The following NFASC variants were observed in gnomAD, a reference collection of about 807,000 sequenced individuals.
NFASC encodes neurofascin homolog.
NFASC carries 43 observed loss-of-function variants against 147.5 expected under a neutral mutation model. The ratio of observed to expected loss-of-function variants is 0.29; its 90% CI spans 0.23 to 0.38. The LOEUF (loss-of-function observed/expected upper bound fraction) is 0.38. NFASC is among the 10% of genes least tolerant of loss of function. The pLI, the probability that NFASC is intolerant of heterozygous loss-of-function variation, is 1.00. For missense variants in NFASC, 1,320 were observed against 1,689.0 expected, an observed-to-expected ratio of 0.78 and a Z score of 3.83; for synonymous variants, 622 against 665.5, an observed-to-expected ratio of 0.93 and a Z score of 1.01.
intron 1 of NFASC, among the ~76,000 whole-genome samples, chr1:204,907,138 AGTTT>A (rs2086181962): frequency 6.6e-6 from 1 of 152,084 alleles, no homozygotes; most frequent in East Asian, 1.9e-4. Context: ...GATTATGAGA[AGTTT>A]GTTTGTTTGT....
At chr1:204,957,125 G>T (rs890498318) in intron 7 of NFASC, among the ~76,000 whole-genome samples, 2 of 152,328 alleles carry the variant, frequency 1.3e-5, no homozygotes, top group African/African-American at 2.4e-5. Flanking sequence ...TATAATTGAT[G>T]ATTACATTTT....
In NFASC at chr1:204,987,315, T is replaced by A; in HGVS notation, c.2471-103T>A. ...TTAGCAGTGTCGAGCATGGGGGTTG[T>A]CCAGAGGTCAATGCCTTCATACTTG... On this transcript the variant is annotated intron_variant, in intron 21 of 29. Coordinates refer to ENST00000339876, the MANE Select transcript of NFASC (RefSeq NM_001005388.3). This position sits in a 1 kb window ranked among gnomAD's most constrained non-coding sequence, Gnocchi z 4.4. The A allele has an allele frequency of 8.7e-7, 1 of 1,144,898 alleles. No homozygotes were observed. The highest frequency in any genetic ancestry group is 2.6e-5 in the East Asian group (1 of 39,036). 70.9% of individuals were successfully genotyped at this position (1,144,898 alleles called of 1,614,324 possible).
At chr1:204,868,342 G>A (rs1484642994) in intron 1 of NFASC, among the ~76,000 whole-genome samples, 4 of 152,208 alleles carry the variant, frequency 2.6e-5, no homozygotes, top group African/African-American at 9.7e-5. Context: ...GCTGTGGCTG[G>A]CAGGGGAGTA....
chr1:204,980,272 G>T, intron 19 of NFASC, 98 bp from the exon 20 acceptor site: 1 of 862,760 alleles, frequency 1.2e-6, no homozygotes, highest in Non-Finnish European at 2.0e-6. Context: ...GAAAGACAGA[G>T]CATAGAACAG....
chr1:204,843,570 C>T (rs12407417), intron 1 of NFASC, among the ~76,000 whole-genome samples: 30,751 of 149,148 alleles, frequency 0.21, 4,845 homozygotes, highest in East Asian at 0.53. Context: ...TCTCCCTTCT[C>T]TCCTTCCTTC....
intron 1 of NFASC, among the ~76,000 whole-genome samples, chr1:204,877,528 T>G (rs979182984): frequency 1.3e-4 from 20 of 152,164 alleles, no homozygotes; most frequent in Non-Finnish European, 2.5e-4. Context: ...TAGTAGTTAC[T>G]GAGGTGGGAG....
At chr1:204,879,562 G>A (rs2079715794) in intron 1 of NFASC, among the ~76,000 whole-genome samples, 1 of 152,192 alleles carries the variant, frequency 6.6e-6, no homozygotes, top group Non-Finnish European at 1.5e-5. Context: ...GCAGAAATGT[G>A]GTTATGTAAA....
intron 1 of NFASC, among the ~76,000 whole-genome samples, chr1:204,873,061 T>C (rs2078026906): frequency 6.6e-6 from 1 of 151,830 alleles, no homozygotes; most frequent in Admixed American, 6.6e-5. Context: ...GACAATAAAG[T>C]GGGTTATTTT....
intron 1 of NFASC, among the ~76,000 whole-genome samples, chr1:204,838,779 G>A (rs1308520617): frequency 1.3e-5 from 2 of 152,192 alleles, no homozygotes; most frequent in Admixed American, 6.5e-5. Flanking sequence ...CGTTTATCTG[G>A]TATAGTGAAC....
At chr1:204,917,453 C>A (rs1049065341) in intron 1 of NFASC, among the ~76,000 whole-genome samples, 6 of 152,100 alleles carry the variant, frequency 3.9e-5, no homozygotes, top group African/African-American at 1.4e-4. Context: ...CAATATAAGG[C>A]CAATCTTGTT....
chr1:204,958,774 G>A (rs531746224), intron 8 of NFASC, among the ~76,000 whole-genome samples: 1 of 152,324 alleles, frequency 6.6e-6, no homozygotes, highest in Admixed American at 6.5e-5. Flanking sequence ...CTGGCAGTTT[G>A]CAAAGGTCAG....
chr1:204,870,766 G>T, intron 1 of NFASC: 3 of 1,162,682 alleles, frequency 2.6e-6, no homozygotes, highest in South Asian at 3.5e-5. Flanking sequence ...CAGAGGACGT[G>T]GTGGGCTTGA....
chr1:204,946,108 A>G (rs1484670162), intron 3 of NFASC, among the ~76,000 whole-genome samples: 1 of 152,056 alleles, frequency 6.6e-6, no homozygotes, highest in African/African-American at 2.4e-5. Context: ...GAGTGCCCTG[A>G]TCTCCCCACC....
intron 1 of NFASC, among the ~76,000 whole-genome samples, chr1:204,847,409 C>T (rs1014431949): frequency 1.3e-5 from 2 of 152,182 alleles, no homozygotes; most frequent in African/African-American, 4.8e-5. Context: ...CCAGGGTTCT[C>T]TAGCCCTGAT....
intron 2 of NFASC, among the ~76,000 whole-genome samples, chr1:204,929,253 C>T (rs1041547433): frequency 6.6e-6 from 1 of 152,194 alleles, no homozygotes; most frequent in Non-Finnish European, 1.5e-5. Context: ...CAGCCCCTCA[C>T]TCCTCCCAGA....
chr1:205,002,831 T>G, intron 27 of NFASC, 83 bp downstream of exon 27: 1 of 1,142,652 alleles, frequency 8.8e-7, no homozygotes, highest in Non-Finnish European at 1.2e-6. Flanking sequence ...GCCTCTCTCC[T>G]CGGAAAGAAG....
In NFASC at chr1:204,999,824, A is replaced by T. The variant is rs1013792761; in HGVS notation, c.3020-1346A>T. 2.6e-5 allele frequency: 4 copies of T among 152,242 alleles called. 1 individual carries two copies. The highest frequency in any genetic ancestry group is 9.6e-5 in the African/African-American group (4 of 41,460). 9.4% of individuals were successfully genotyped at this position (152,242 alleles called of 1,614,324 possible). On this transcript the variant is annotated intron_variant, in intron 25 of 29. Transcript: ENST00000339876. ...TAGATAATGAATAAATGCATCGCCAATGCACTCTATTCATTTATTTTTGAC... is the reference window on the plus strand; with the variant it reads ...TAGATAATGAATAAATGCATCGCCATTGCACTCTATTCATTTATTTTTGAC...
At chr1:204,903,433 AG>A (rs2085095360) in intron 1 of NFASC, among the ~76,000 whole-genome samples, 1 of 152,242 alleles carries the variant, frequency 6.6e-6, no homozygotes, top group Admixed American at 6.5e-5. Flanking sequence ...GAGGTCCAGT[AG>A]GGAAACAAAG....
At chr1:204,964,612 T>C (rs2094849014) in intron 8 of NFASC, among the ~76,000 whole-genome samples, 1 of 152,224 alleles carries the variant, frequency 6.6e-6, no homozygotes, top group Admixed American at 6.5e-5. Flanking sequence ...CAAATATTAC[T>C]AGACAAAGAG....
Sources: gnomAD v4.1 joint callset for allele counts (sites outside exome capture counted in the v4.1 genomes callset) on GRCh38, gnomAD v4.1.1 for gene constraint, Gnocchi (gnomAD v3.1) non-coding constraint, MANE v1.5 for transcripts, NCBI Gene and HGNC (gene_info 2026-07-23, HGNC 2026-07-21) for gene names.